Variants in LRRC8B observed in about 807,000 individuals in gnomAD.
LRRC8B encodes volume-regulated anion channel subunit LRRC8B.
LRRC8B carries 23 observed loss-of-function variants against 58.8 expected under a neutral mutation model. The observed-to-expected ratio is 0.39, with a 90% CI of 0.28 to 0.55. The LOEUF is 0.55. Among genes scored for constraint, LRRC8B ranks in the 20% least tolerant of loss-of-function variants. LRRC8B has a pLI of 0.62. For synonymous variants in LRRC8B, 359 were observed against 374.1 expected, an observed-to-expected ratio of 0.96 and a Z score of 0.47; for missense variants, 694 against 936.0, an observed-to-expected ratio of 0.74 and a Z score of 3.37.
chr1:89,580,804 C>G (rs777451037), intron 4 of LRRC8B, among the ~76,000 whole-genome samples: 7 of 152,008 alleles, frequency 4.6e-5, no homozygotes, highest in Non-Finnish European at 8.8e-5. Flanking sequence ...AAGTAGTGCT[C>G]CAGTCCAGCA....
At chr1:89,579,476 G>GA (rs931834605) in intron 3 of LRRC8B, 115 bp from the exon 4 acceptor site, 5 of 152,618 alleles carry the variant, frequency 3.3e-5, no homozygotes, top group African/African-American at 9.6e-5. Flanking sequence ...CCCAGAGTGT[G>GA]AAAATCTATT....
chr1:89,536,338 A>G (rs967273543), intron 1 of LRRC8B, among the ~76,000 whole-genome samples: 1 of 152,182 alleles, frequency 6.6e-6, no homozygotes, highest in African/African-American at 2.4e-5. Context: ...TTTTTCTATA[A>G]TTATTGCCTG....
At chr1:89,550,667 G>A (rs1651730753) in intron 1 of LRRC8B, among the ~76,000 whole-genome samples, 1 of 152,156 alleles carries the variant, frequency 6.6e-6, no homozygotes, top group South Asian at 2.1e-4. Flanking sequence ...ATATTAACTA[G>A]CACTTTATAA....
Position 89,593,123 on chromosome 1 carries a change from C to G in LRRC8B, c.*80C>G. The G allele has an allele frequency of 6.9e-7, 1 of 1,454,840 alleles. No homozygotes were observed. Among genetic ancestry groups the G allele is most frequent in the Admixed American group, 1.9e-5 (1 of 53,312 alleles). 90.1% of individuals were successfully genotyped at this position (1,454,840 alleles called of 1,614,324 possible). A position where few individuals can be genotyped will look rare whatever the true frequency, so the allele number is the denominator to read the frequency against. On this transcript the variant is annotated 3_prime_UTR_variant, in exon 6 of 6. Transcript: ENST00000330947. ...GGCGTGGTGGCTCATGCCTATAATC[C>G]CAGCACTTTGGGAGGCCAAGATGGG...
intron 1 of LRRC8B, among the ~76,000 whole-genome samples, chr1:89,558,509 C>G (rs1029756103): frequency 1.3e-5 from 2 of 152,094 alleles, no homozygotes; most frequent in African/African-American, 4.8e-5. Context: ...TCAGAGTCGT[C>G]CAGCCCAAAG....
Position 89,591,578 on chromosome 1 carries a change from G to A in LRRC8B, c.2140-1193G>A, listed in dbSNP as rs116134946. Among the ~76,000 whole-genome samples, 1,224 of 152,298 alleles carry A rather than the reference G, an allele frequency of 8.0e-3. 21 individuals carry two copies. Among genetic ancestry groups the A allele is most frequent in the African/African-American group, 0.028 (1,155 of 41,560 alleles). On this transcript the variant is annotated intron_variant, in intron 5 of 5. Transcript: ENST00000330947. ...TTTTTAAGGATATACAGCACTGAAC[G>A]TGTGTTAGAGGGAGGGGTGATGTAG...
intron 5 of LRRC8B, among the ~76,000 whole-genome samples, chr1:89,590,669 G>A (rs1209468680): frequency 1.3e-5 from 2 of 152,246 alleles, no homozygotes; most frequent in Non-Finnish European, 2.9e-5. Context: ...GAGAGTGAGG[G>A]CAGTGGCTTC....
chr1:89,576,685 C>T (rs1252360564), intron 3 of LRRC8B, among the ~76,000 whole-genome samples: 1 of 152,160 alleles, frequency 6.6e-6, no homozygotes, highest in Non-Finnish European at 1.5e-5. Flanking sequence ...TTTTTATGTA[C>T]ATTAATGTTA....
chr1:89,557,479 AT>A (rs1652280002), intron 1 of LRRC8B, among the ~76,000 whole-genome samples: 1 of 152,074 alleles, frequency 6.6e-6, no homozygotes, highest in South Asian at 2.1e-4. Flanking sequence ...CTTCCATGAT[AT>A]TTATTTTACC....
chr1:89,533,790 A>G (rs1038181496), intron 1 of LRRC8B, among the ~76,000 whole-genome samples: 1 of 152,252 alleles, frequency 6.6e-6, no homozygotes, highest in Non-Finnish European at 1.5e-5. Flanking sequence ...ATTAGGGAAT[A>G]CAATTAGCAT....
At chr1:89,592,747 G>C in intron 5 of LRRC8B, 24 bp from the exon 6 acceptor site, 1 of 1,602,318 alleles carries the variant, frequency 6.2e-7, no homozygotes, top group South Asian at 1.1e-5. Context: ...TATTTTACCA[G>C]CTTCTTTTTT....
chr1:89,586,780 C>T (rs1300239921), intron 5 of LRRC8B, among the ~76,000 whole-genome samples: 2 of 152,190 alleles, frequency 1.3e-5, no homozygotes, highest in African/African-American at 2.4e-5. Flanking sequence ...TGCTGATCAT[C>T]TTTGGAGCCA....
At chr1:89,536,096 T>C (rs774522069) in intron 1 of LRRC8B, among the ~76,000 whole-genome samples, 3 of 152,186 alleles carry the variant, frequency 2.0e-5, no homozygotes, top group Non-Finnish European at 2.9e-5. Flanking sequence ...AGCAAATCTC[T>C]GCAGAAACCC....
At chr1:89,561,864 A>G (rs908691490) in intron 1 of LRRC8B, among the ~76,000 whole-genome samples, 1 of 151,704 alleles carries the variant, frequency 6.6e-6, no homozygotes, top group Admixed American at 6.6e-5. Context: ...TTGACTTGGC[A>G]ATGCGGGCTC....
rs773369711 is a variant in LRRC8B, at chr1:89,592,777, A to T, written c.2146A>T (p.Met716Leu). 4.3e-6 allele frequency: 7 copies of T among 1,613,152 alleles called. No individual in the cohort carries two copies. The highest frequency in any genetic ancestry group is 5.9e-6 in the Non-Finnish European group (7 of 1,179,732). Residue 716 changes from methionine to leucine, a missense_variant, in exon 6 of 6, where the codon ATG (methionine) becomes TTG (leucine). Around this residue, in one of 5 missense-constraint regions of LRRC8B, gnomAD observed 139 missense variants for 158.2 expected, o/e 0.88. Coordinates refer to ENST00000330947, the MANE Select transcript of LRRC8B (RefSeq NM_001369817.2). ...YFAVTNNNIE[M>L]LPDGLFQCKK... ...TTTTTTCTTCCCTTTCCAGATTGAG[A>T]TGCTACCAGATGGGCTGTTTCAGTG...
chr1:89,578,343 C>T (rs1653994860), intron 3 of LRRC8B, among the ~76,000 whole-genome samples: 1 of 152,136 alleles, frequency 6.6e-6, no homozygotes, highest in African/African-American at 2.4e-5. Flanking sequence ...TTTCACACAT[C>T]AGATGTCTTT....
intron 3 of LRRC8B, among the ~76,000 whole-genome samples, chr1:89,579,243 A>G (rs1269155044): frequency 6.6e-6 from 1 of 152,244 alleles, no homozygotes; most frequent in Admixed American, 6.5e-5. Context: ...GAATTTTAAA[A>G]TATGTTGTGT....
rs1341360853 is a variant in LRRC8B, at chr1:89,583,386, A to G, written c.736A>G (p.Met246Val). ...AIFEKVKRFR[M>V]HVEQKDIIYR... ...CTTTGAAAAAGTGAAAAGATTCCGC[A>G]TGCATGTGGAGCAGAAGGACATCAT... Residue 246 changes from methionine (M) to valine (V), a missense_variant, in exon 5 of 6, where the codon ATG becomes GTG. Around this residue, in one of 5 missense-constraint regions of LRRC8B, gnomAD observed 316 missense variants for 403.8 expected, o/e 0.78. Transcript: ENST00000330947. The surrounding 1 kb of genome is among the most constrained non-coding windows in gnomAD (Gnocchi z 5.2). 6.2e-7 allele frequency: 1 copy of G among 1,614,218 alleles called. No homozygotes were observed. The highest frequency in any genetic ancestry group is 8.5e-7 in the Non-Finnish European group (1 of 1,180,044).
intron 5 of LRRC8B, among the ~76,000 whole-genome samples, chr1:89,589,772 A>G (rs1167480725): frequency 4.0e-5 from 6 of 151,202 alleles, no homozygotes; most frequent in African/African-American, 1.5e-4. Flanking sequence ...TGGCCAGAAA[A>G]AAAAAAAAAA....
Sources: gnomAD v4.1 joint callset for allele counts (sites outside exome capture counted in the v4.1 genomes callset) on GRCh38, gnomAD v4.1.1 for gene constraint, gnomAD v4.1.1 regional missense constraint, Gnocchi (gnomAD v3.1) non-coding constraint, MANE v1.5 for transcripts, NCBI Gene and HGNC (gene_info 2026-07-23, HGNC 2026-07-21) for gene names.